AGBL4: variants seen among roughly 807,000 people sequenced by gnomAD.
AGBL4 encodes the protein cytosolic carboxypeptidase 6.
In AGBL4, 58 loss-of-function variants were observed where a neutral mutation model predicts 66.4. That is an observed-to-expected ratio of 0.87 (90% CI 0.71 to 1.09). The LOEUF (loss-of-function observed/expected upper bound fraction) is 1.09. Ranked by LOEUF, AGBL4 falls within the 50% of genes least tolerant of loss-of-function variation. The pLI, the probability that AGBL4 is intolerant of heterozygous loss-of-function variation, is 0.00. For synonymous variants in AGBL4, 234 were observed against 222.9 expected (o/e 1.05, Z -0.44); for missense variants, 579 against 631.0 (o/e 0.92, Z 0.88).
chr1:48,696,419 A>T (rs1570279964), intron 6 of AGBL4, among the ~76,000 whole-genome samples: 1 of 152,164 alleles, frequency 6.6e-6, no homozygotes, highest in East Asian at 1.9e-4. Context: ...AGATGTTAAA[A>T]CTAGGAGCTT....
At chr1:49,168,001 T>C (rs1646664755) in intron 4 of AGBL4, among the ~76,000 whole-genome samples, 1 of 152,208 alleles carries the variant, frequency 6.6e-6, no homozygotes, top group Non-Finnish European at 1.5e-5. Flanking sequence ...TCACATTGTC[T>C]TAGGTATTTA....
In AGBL4 at chr1:48,816,496, A is replaced by G. The variant is rs543213774; in HGVS notation, c.634+50695T>C. Among the ~76,000 whole-genome samples the G allele has an allele frequency of 2.0e-5, 3 of 152,288 alleles. No homozygotes were observed. The East Asian group carries it at 5.8e-4, about 29-fold the overall frequency. On this transcript the variant is annotated intron_variant, in intron 6 of 13. Coordinates refer to ENST00000371839, the MANE Select transcript of AGBL4 (RefSeq NM_032785.4). ...TATATGTTGAATGAGGTATAATAAG[A>G]ATTTGAAATACCTTTTAACCAGATA...
Position 49,750,456 on chromosome 1 carries a change from TG to T in AGBL4, c.158-53020del, listed in dbSNP as rs1651364115. Among the ~76,000 whole-genome samples the T allele has an allele frequency of 2.0e-5, 3 of 152,240 alleles. No individual in the cohort carries two copies. In the South Asian group the frequency reaches 6.2e-4, roughly 31 times the overall value. ...GTTCTGTCCCATTGGTCTATATATC[TG>T]TTTTGGTACCTGTACCACGCTGTTT... On this transcript the variant is annotated intron_variant, in intron 2 of 13. Coordinates refer to ENST00000371839, the MANE Select transcript of AGBL4 (RefSeq NM_032785.4).
At chr1:49,739,645 C>G (rs888937122) in intron 2 of AGBL4, among the ~76,000 whole-genome samples, 1 of 152,088 alleles carries the variant, frequency 6.6e-6, no homozygotes, top group Admixed American at 6.5e-5. Flanking sequence ...TTAAGGGCAG[C>G]CAGAGAGAAA....
chr1:48,746,397 T>C (rs1455349523), intron 6 of AGBL4, among the ~76,000 whole-genome samples: 2 of 152,132 alleles, frequency 1.3e-5, no homozygotes, highest in Non-Finnish European at 2.9e-5. Flanking sequence ...AGCAGGTCCT[T>C]GTACTCCACA....
At chr1:49,577,231 G>T (rs1644455020) in intron 3 of AGBL4, among the ~76,000 whole-genome samples, 1 of 152,190 alleles carries the variant, frequency 6.6e-6, no homozygotes, top group South Asian at 2.1e-4. Flanking sequence ...TAATCAGGTG[G>T]ATAGGATGAC....
Position 49,851,427 on chromosome 1 carries a change from T to A in AGBL4, c.126A>T (p.Gly42=), listed in dbSNP as rs752105666. The A allele has an allele frequency of 6.5e-7, 1 of 1,549,978 alleles. No individual in the cohort carries two copies. Among genetic ancestry groups the A allele is most frequent in the East Asian group, 2.5e-5 (1 of 40,804 alleles). ...PTGYCGQPKK[G]HLIFDACFES... ...CAAAGCAAGCATCAAAGATAAGATG[T>A]CCTTTCTTGGGCTGTCCACAATAGC... is the stretch of plus-strand genomic sequence containing the variant. The change falls in exon 2 of 14, where the codon GGA becomes GGT. Residue 42 remains glycine, a synonymous_variant. Transcript: ENST00000371839.
chr1:48,711,831 A>G (rs1646972185), intron 6 of AGBL4, among the ~76,000 whole-genome samples: 1 of 152,006 alleles, frequency 6.6e-6, no homozygotes, highest in African/African-American at 2.4e-5. Context: ...CAGCACCCTA[A>G]CAATCTTCTT....
intron 7 of AGBL4, among the ~76,000 whole-genome samples, chr1:48,662,506 T>C (rs1646124304): frequency 1.3e-5 from 2 of 152,242 alleles, no homozygotes; most frequent in African/African-American, 4.8e-5. Context: ...ATTACTTAAC[T>C]TCTCTAAACT....
At chr1:49,170,611 A>T (rs1432512246) in intron 4 of AGBL4, among the ~76,000 whole-genome samples, 1 of 148,176 alleles carries the variant, frequency 6.7e-6, no homozygotes, top group Non-Finnish European at 1.5e-5. Flanking sequence ...TTATATATTA[A>T]TGTGTATATA....
In AGBL4 at chr1:49,967,485, G is replaced by A. The variant is rs187680722; in HGVS notation, c.34+56278C>T. 5.5e-3 allele frequency among the ~76,000 whole-genome samples: 842 copies of A among 152,064 alleles called. 3 individuals carry two copies. The highest frequency in any genetic ancestry group is 0.02 in the Middle Eastern group (6 of 294). On this transcript the variant is annotated intron_variant, in intron 1 of 13. Coordinates refer to ENST00000371839, the MANE Select transcript of AGBL4 (RefSeq NM_032785.4). ...CAATAAGAACACATGGACATAGGGA[G>A]GGGAATATCACATACCGGGGCCTGT...
intron 9 of AGBL4, among the ~76,000 whole-genome samples, chr1:48,597,681 G>A (rs1022198080): frequency 3.1e-5 from 4 of 127,870 alleles, no homozygotes; most frequent in Non-Finnish European, 6.4e-5. Flanking sequence ...AGAGGGAAAG[G>A]AAAGGGGAGA....
chr1:48,721,834 T>C (rs1269164520), intron 6 of AGBL4, among the ~76,000 whole-genome samples: 4 of 152,210 alleles, frequency 2.6e-5, no homozygotes, highest in Non-Finnish European at 5.9e-5. Context: ...CATCCAGGCC[T>C]GGATTGGGCC....
intron 9 of AGBL4, among the ~76,000 whole-genome samples, chr1:48,592,307 C>G (rs1299417336): frequency 6.6e-6 from 1 of 152,192 alleles, no homozygotes; most frequent in East Asian, 1.9e-4. Flanking sequence ...GAAAAGTGCA[C>G]ATTTAGAAGG....
At chr1:49,532,205 T>C (rs1198507566) in intron 3 of AGBL4, among the ~76,000 whole-genome samples, 1 of 152,166 alleles carries the variant, frequency 6.6e-6, no homozygotes, top group African/African-American at 2.4e-5. Flanking sequence ...GGCAGGATCA[T>C]GTCTGCTTTG....
chr1:49,683,474 TAGAAATTTAAATA>T (rs1189682766), intron 3 of AGBL4, among the ~76,000 whole-genome samples: 1 of 152,144 alleles, frequency 6.6e-6, no homozygotes, highest in Non-Finnish European at 1.5e-5. Flanking sequence ...CTCTATTTCA[TAGAAATTTAAATA>T]AGAAATTATT....
At chr1:49,132,383 C>G (rs752617703) in intron 4 of AGBL4, among the ~76,000 whole-genome samples, 5 of 152,052 alleles carry the variant, frequency 3.3e-5, no homozygotes, top group African/African-American at 4.8e-5. Flanking sequence ...CTCCAGCTAG[C>G]TCGATCCAAG....
At chr1:49,132,959 A>G (rs1419284897) in intron 4 of AGBL4, among the ~76,000 whole-genome samples, 1 of 152,218 alleles carries the variant, frequency 6.6e-6, no homozygotes, top group Non-Finnish European at 1.5e-5. Flanking sequence ...TTGCAGCACT[A>G]TTTACAATAG....
intron 1 of AGBL4, among the ~76,000 whole-genome samples, chr1:49,875,377 A>G (rs1249008405): frequency 7.8e-6 from 1 of 127,566 alleles, no homozygotes; most frequent in Admixed American, 8.6e-5. Context: ...TCATTGTTCA[A>G]TTCCCACCTA....
Sources: allele counts gnomAD v4.1 joint callset (sites outside exome capture counted in the v4.1 genomes callset), GRCh38; gene constraint gnomAD v4.1.1; transcripts MANE v1.5; gene names NCBI Gene and HGNC (gene_info 2026-07-23, HGNC 2026-07-21).